The following KPNA3 variants were observed in gnomAD, a reference collection of about 807,000 sequenced individuals.
KPNA3 encodes karyopherin subunit alpha 3, also known as importin subunit alpha-4.
In KPNA3, 13 loss-of-function variants were observed where a neutral mutation model predicts 73.8. The observed-to-expected ratio is 0.18, with a 90% CI of 0.11 to 0.28. KPNA3 has a LOEUF of 0.28. Among genes scored for constraint, KPNA3 ranks in the 10% least tolerant of loss-of-function variants. The pLI is 1.00. For missense variants in KPNA3, 360 were observed against 618.1 expected (o/e 0.58, Z 4.43); for synonymous variants, 186 against 206.9 (o/e 0.90, Z 0.87).
At chr13:49,708,864 T>A (rs2137533761) in intron 12 of KPNA3, among the ~76,000 whole-genome samples, 1 of 152,350 alleles carries the variant, frequency 6.6e-6, no homozygotes, top group South Asian at 2.1e-4. Context: ...TAATTTTTTA[T>A]GATCCTTGAA....
intron 7 of KPNA3, among the ~76,000 whole-genome samples, chr13:49,724,124 T>C (rs1453965665): frequency 6.6e-6 from 1 of 152,200 alleles, no homozygotes. Flanking sequence ...TTCATTCTTT[T>C]TTACTGCTGA....
In KPNA3 at chr13:49,792,582, GAGGA is replaced by G; in HGVS notation, c.-80_-77del. On this transcript the variant is annotated 5_prime_UTR_variant, in exon 1 of 17. Coordinates refer to ENST00000261667, the MANE Select transcript of KPNA3 (RefSeq NM_002267.4). ...GCGGCGAATCTTGGAGCGGGAGGGG[GAGGA>G]GGGGGAGAGCGGGAGGGGGGAGGGG... is the stretch of plus-strand genomic sequence containing the variant. 3.1e-6 allele frequency: 2 copies of G among 650,818 alleles called. No homozygotes were observed. The highest frequency in any genetic ancestry group is 1.7e-5 in the South Asian group (1 of 60,470). The allele number at this position is 650,818 out of a possible 1,614,324, so 40.3% of individuals were successfully genotyped here.
intron 2 of KPNA3, among the ~76,000 whole-genome samples, chr13:49,737,701 C>T (rs1188983001): frequency 2.6e-5 from 4 of 151,810 alleles, no homozygotes; most frequent in East Asian, 3.9e-4. Context: ...CTCCAACTCC[C>T]GGGCTCAAGA....
intron 1 of KPNA3, among the ~76,000 whole-genome samples, chr13:49,764,339 A>G (rs953601325): frequency 1.3e-5 from 2 of 152,152 alleles, no homozygotes; most frequent in East Asian, 1.9e-4. Flanking sequence ...CATTATAGGT[A>G]TAACAAATTC....
chr13:49,731,443 G>A (rs918197610), intron 6 of KPNA3, among the ~76,000 whole-genome samples: 3 of 152,018 alleles, frequency 2.0e-5, no homozygotes, highest in Admixed American at 6.6e-5. Flanking sequence ...AAGTAACACT[G>A]TTACAGAAAA....
At chr13:49,736,992 T>G (rs1158512056) in intron 2 of KPNA3, among the ~76,000 whole-genome samples, 1 of 152,236 alleles carries the variant, frequency 6.6e-6, no homozygotes, top group African/African-American at 2.4e-5. Flanking sequence ...TTATATAAAT[T>G]GTTGCTTGTA....
chr13:49,753,921 G>A (rs978988542), intron 1 of KPNA3, among the ~76,000 whole-genome samples: 8 of 152,094 alleles, frequency 5.3e-5, no homozygotes, highest in Non-Finnish European at 1.2e-4. Flanking sequence ...TGTTATAAGG[G>A]AAAAAATACA....
At chr13:49,713,738 C>A (rs1398542390) in intron 10 of KPNA3, among the ~76,000 whole-genome samples, 1 of 152,092 alleles carries the variant, frequency 6.6e-6, no homozygotes, top group Non-Finnish European at 1.5e-5. Context: ...GAGTCTCACT[C>A]TGTCACCCCG....
At chr13:49,791,810 G>A (rs566509283) in intron 1 of KPNA3, among the ~76,000 whole-genome samples, 1 of 152,288 alleles carries the variant, frequency 6.6e-6, no homozygotes, top group South Asian at 2.1e-4. Flanking sequence ...AGCTCGGCAC[G>A]ACTAGTCCAA....
rs142986377 is a variant in KPNA3, at chr13:49,729,856, G to A, written c.383+2515C>T. ...TGACATTGTGTAGAGTGCTTTGTAT[G>A]TATTATTTCCATTCCTTACCATCAC... On this transcript the variant is annotated intron_variant, in intron 6 of 16. Coordinates refer to ENST00000261667, the MANE Select transcript of KPNA3 (RefSeq NM_002267.4). Among the ~76,000 whole-genome samples, 8 of 152,304 alleles carry A rather than the reference G, an allele frequency of 5.3e-5. No individual in the cohort carries two copies. In the East Asian group the frequency reaches 1.5e-3, roughly 29 times the overall value.
chr13:49,741,321 G>A (rs543682792), intron 2 of KPNA3, among the ~76,000 whole-genome samples: 1 of 152,136 alleles, frequency 6.6e-6, no homozygotes, highest in East Asian at 1.9e-4. Flanking sequence ...TTTTGATAAT[G>A]GTTATTCTAA....
chr13:49,767,983 T>C (rs1954822382), intron 1 of KPNA3, among the ~76,000 whole-genome samples: 1 of 152,190 alleles, frequency 6.6e-6, no homozygotes, highest in Non-Finnish European at 1.5e-5. Flanking sequence ...TTCATCTTTC[T>C]ACTTTCAAAC....
chr13:49,732,491 A>C (rs769515123), intron 5 of KPNA3, 25 bp from the exon 6 acceptor site: 58 of 1,498,320 alleles, frequency 3.9e-5, no homozygotes, highest in Non-Finnish European at 5.2e-5. Flanking sequence ...ATGAGAAATT[A>C]ATTGCTATAA....
At chr13:49,739,677 T>C (rs1417017336) in intron 2 of KPNA3, among the ~76,000 whole-genome samples, 1 of 152,220 alleles carries the variant, frequency 6.6e-6, no homozygotes, top group Non-Finnish European at 1.5e-5. Context: ...CACTAGTTAA[T>C]AATTCTCAAA....
rs778948898 is a variant in KPNA3 at position 49,792,523 on chromosome 13, G to A, written c.-17C>T. The stretch of plus-strand genomic sequence containing the variant: ...CTCGGCCATGGCTGCGCGCGGCTCC[G>A]GCGGCGGCTACTCCTGCGGCTGCGG... On this transcript the variant is annotated 5_prime_UTR_variant, in exon 1 of 17. Transcript: ENST00000261667. 1.3e-6 allele frequency: 2 copies of A among 1,567,704 alleles called. No homozygotes were observed. The highest frequency in any genetic ancestry group is 1.7e-6 in the Non-Finnish European group (2 of 1,159,172).
At position 49,761,327 on chromosome 13, in the gene KPNA3, G is replaced by A. The variant is rs369894086; in HGVS notation, c.70-14334C>T. On this transcript the variant is annotated intron_variant, in intron 1 of 16. Coordinates refer to ENST00000261667, the MANE Select transcript of KPNA3 (RefSeq NM_002267.4). ...TGTACTGCTGCCATCTCGGCTCACT[G>A]CAACCTCCCTGCCTGATTCTCCCGC... 4.0e-3 allele frequency among the ~76,000 whole-genome samples: 605 copies of A among 152,170 alleles called. 19 individuals are homozygous for A. In the East Asian group the frequency reaches 0.086, roughly 22 times the overall value.
intron 10 of KPNA3, among the ~76,000 whole-genome samples, chr13:49,719,498 C>T (rs1403738399): frequency 2.0e-5 from 3 of 151,924 alleles, no homozygotes; most frequent in Admixed American, 6.6e-5. Context: ...GAGGTTTTAC[C>T]GCTTTACAAA....
At chr13:49,738,789 T>C (rs1242529930) in intron 2 of KPNA3, among the ~76,000 whole-genome samples, 1 of 152,240 alleles carries the variant, frequency 6.6e-6, no homozygotes, top group East Asian at 1.9e-4. Context: ...CGGACAGTTT[T>C]AGTTCTTCCT....
chr13:49,751,663 C>A (rs1256281151), intron 1 of KPNA3, among the ~76,000 whole-genome samples: 3 of 152,182 alleles, frequency 2.0e-5, no homozygotes, highest in African/African-American at 7.2e-5. Flanking sequence ...AATCCCAGAA[C>A]TTTGGGAGGC....
Sources: gnomAD v4.1 joint callset for allele counts (sites outside exome capture counted in the v4.1 genomes callset) on GRCh38, gnomAD v4.1.1 for gene constraint, MANE v1.5 for transcripts, NCBI Gene and HGNC (gene_info 2026-07-23, HGNC 2026-07-21) for gene names.